Variants in ORC3 observed in about 807,000 individuals in gnomAD.
The protein encoded by ORC3 is homolog of latheo, Drosophila.
In ORC3, 78 loss-of-function variants were observed where a neutral mutation model predicts 100.7. The observed-to-expected ratio is 0.77, with a 90% CI of 0.65 to 0.94. ORC3 has a LOEUF of 0.94. Among genes scored for constraint, ORC3 ranks in the 40% least tolerant of loss-of-function variants. The pLI, the probability that ORC3 is intolerant of heterozygous loss-of-function variation, is 0.00. For missense variants in ORC3, 789 were observed against 823.9 expected (o/e 0.96, Z 0.52); for synonymous variants, 295 against 289.3 (o/e 1.02, Z -0.20).
chr6:87,602,961 A>T (rs1452013633), intron 3 of ORC3, among the ~76,000 whole-genome samples: 9 of 56,544 alleles, frequency 1.6e-4, no homozygotes, highest in East Asian at 1.4e-3. Context: ...TATAATATAT[A>T]TATATATATA....
At position 87,657,939 on chromosome 6, in the gene ORC3, G is replaced by T; in HGVS notation, c.1612G>T (p.Glu538Ter). 1 of 1,567,324 alleles carries T rather than the reference G, an allele frequency of 6.4e-7. No homozygotes were observed. Among genetic ancestry groups the T allele is most frequent in the Non-Finnish European group, 8.8e-7 (1 of 1,137,632 alleles). ...TCTATAGTCCTTATTGGAAATGAAG[G>T]AGTTAAGAAGAAGTAAGAAGCAAAC... ...HLQKSLLEMK[E>*]LRRSKKQTKF... The change falls in exon 16 of 20, where the codon GAG (glutamate) becomes TAG (stop). Residue 538 changes from glutamate (E) to a stop codon, truncating the protein, a stop_gained. Coordinates refer to ENST00000392844, the MANE Select transcript of ORC3 (RefSeq NM_012381.4). LOFTEE classifies it high-confidence loss of function.
In ORC3 at chr6:87,629,082, A is replaced by G. The variant is rs114043239; in HGVS notation, c.1186-5763A>G. 2.5e-3 allele frequency among the ~76,000 whole-genome samples: 382 copies of G among 152,310 alleles called. 2 individuals are homozygous for G. Among genetic ancestry groups the G allele is most frequent in the African/African-American group, 8.7e-3 (360 of 41,592 alleles). Reference sequence around the variant, plus strand: ...ACTCTTGCCACATAAGTGCTAGGAGAAAGCTGTGGTTTGGCATTCTTATTA... The same window carrying G: ...ACTCTTGCCACATAAGTGCTAGGAGGAAGCTGTGGTTTGGCATTCTTATTA... On this transcript the variant is annotated intron_variant, in intron 11 of 19. Coordinates refer to ENST00000392844, the MANE Select transcript of ORC3 (RefSeq NM_012381.4).
chr6:87,654,190 T>C (rs1030998958), intron 14 of ORC3, among the ~76,000 whole-genome samples: 2 of 152,188 alleles, frequency 1.3e-5, no homozygotes, highest in African/African-American at 4.8e-5. Flanking sequence ...TTCTTTGTCT[T>C]AAAAATCTTT....
At chr6:87,601,705 T>C (rs1195422729) in intron 2 of ORC3, 79 bp from the exon 3 acceptor site, 1 of 821,528 alleles carries the variant, frequency 1.2e-6, no homozygotes, top group East Asian at 2.6e-5. Flanking sequence ...TGTCACTTAC[T>C]GTGTAACTTT....
At chr6:87,662,152 C>T (rs1236182906) in intron 16 of ORC3, among the ~76,000 whole-genome samples, 2 of 152,070 alleles carry the variant, frequency 1.3e-5, no homozygotes, top group African/African-American at 2.4e-5. Context: ...GGGCCGGGTG[C>T]GGTGGCTCAC....
At chr6:87,591,889 AC>A (rs925036038) in intron 1 of ORC3, among the ~76,000 whole-genome samples, 1 of 151,726 alleles carries the variant, frequency 6.6e-6, no homozygotes, top group African/African-American at 2.4e-5. Context: ...GCCCCACTAC[AC>A]CCAGCTAATT....
At chr6:87,646,021 C>T (rs1015603558) in intron 13 of ORC3, among the ~76,000 whole-genome samples, 21 of 138,036 alleles carry the variant, frequency 1.5e-4, no homozygotes, top group African/African-American at 5.1e-4. Flanking sequence ...GAGTCTTGCG[C>T]TGTTGCCCAG....
intron 3 of ORC3, among the ~76,000 whole-genome samples, chr6:87,602,978 T>TATATATATATATATATAC (rs1778072166): frequency 7.4e-6 from 1 of 135,564 alleles, no homozygotes; most frequent in African/African-American, 2.9e-5. Context: ...TATACATATA[T>TATATATATATATATATAC]ATATACAATT....
At chr6:87,629,009 A>C (rs1241197307) in intron 11 of ORC3, among the ~76,000 whole-genome samples, 1 of 152,186 alleles carries the variant, frequency 6.6e-6, no homozygotes, top group Non-Finnish European at 1.5e-5. Flanking sequence ...TATACTGCTG[A>C]GGTAGGAATA....
chr6:87,640,694 C>T (rs1181546428), intron 13 of ORC3, among the ~76,000 whole-genome samples: 1 of 152,182 alleles, frequency 6.6e-6, no homozygotes, highest in Non-Finnish European at 1.5e-5. Context: ...TTTTACCCCT[C>T]TATTGGAGAA....
chr6:87,674,640 ATAT>A, the ORC3 span, among the ~76,000 whole-genome samples: 2 of 145,786 alleles, frequency 1.4e-5, no homozygotes, highest in Admixed American at 6.8e-5. Flanking sequence ...ATATATATAT[ATAT>A]TTTTTTTTTT....
intron 13 of ORC3, among the ~76,000 whole-genome samples, chr6:87,650,092 T>C (rs1287760138): frequency 1.3e-5 from 2 of 149,950 alleles, no homozygotes; most frequent in Admixed American, 6.7e-5. Context: ...AGAGGGTCTC[T>C]GTTACCCATG....
At chr6:87,666,953 T>C in intron 19 of ORC3, 65 bp from the exon 20 acceptor site, 1 of 900,608 alleles carries the variant, frequency 1.1e-6, no homozygotes, top group Non-Finnish European at 1.8e-6. Flanking sequence ...TATTTTAACA[T>C]TGAGATTTTA....
intron 11 of ORC3, among the ~76,000 whole-genome samples, 159 bp downstream of exon 11, chr6:87,622,172 A>T (rs973039806): frequency 6.6e-6 from 1 of 152,144 alleles, no homozygotes; most frequent in Non-Finnish European, 1.5e-5. Context: ...GTGAGTTTTA[A>T]AGATGACATA....
chr6:87,596,983 A>G (rs777767970), intron 2 of ORC3, among the ~76,000 whole-genome samples: 3 of 152,222 alleles, frequency 2.0e-5, no homozygotes, highest in Admixed American at 6.5e-5. Flanking sequence ...AGAAACTGAT[A>G]TTAATACAAT....
intron 16 of ORC3, among the ~76,000 whole-genome samples, chr6:87,659,837 G>A (rs1770047531): frequency 1.3e-5 from 2 of 151,224 alleles, no homozygotes; most frequent in South Asian, 2.1e-4. Context: ...AGCTGAGATC[G>A]CACCACTGCA....
chr6:87,664,082 A>C (rs1484342896), intron 17 of ORC3, among the ~76,000 whole-genome samples: 1 of 152,198 alleles, frequency 6.6e-6, no homozygotes, highest in Non-Finnish European at 1.5e-5. Context: ...AAAACTTACA[A>C]AATCTGTCTT....
chr6:87,594,974 T>G lies in ORC3; in HGVS notation c.79+567T>G, dbSNP rs1222776705. On this transcript the variant is annotated intron_variant, in intron 2 of 19. Coordinates refer to ENST00000392844, the MANE Select transcript of ORC3 (RefSeq NM_012381.4). ...GGGGAGACTTAAATATGCTTAAAAATTTTGATGTGATATTCCATTTTATGA... is the reference window on the plus strand; with the variant it reads ...GGGGAGACTTAAATATGCTTAAAAAGTTTGATGTGATATTCCATTTTATGA... Among the ~76,000 whole-genome samples, 4 of 152,238 alleles carry G rather than the reference T, an allele frequency of 2.6e-5. 1 individual carries two copies.
chr6:87,602,262 T>C (rs1457910877), intron 3 of ORC3, among the ~76,000 whole-genome samples: 1 of 152,150 alleles, frequency 6.6e-6, no homozygotes, highest in East Asian at 1.9e-4. Context: ...CTCATATTTC[T>C]TGTGAGTGGA....
Sources: gnomAD v4.1 joint callset for allele counts (sites outside exome capture counted in the v4.1 genomes callset) on GRCh38, gnomAD v4.1.1 for gene constraint, MANE v1.5 for transcripts, NCBI Gene and HGNC (gene_info 2026-07-23, HGNC 2026-07-21) for gene names.